The following NRG3 variants were observed in gnomAD, a reference collection of about 807,000 sequenced individuals.
NRG3 encodes the protein pro-neuregulin-3, membrane-bound isoform.
A neutral mutation model predicts 66.9 loss-of-function variants in NRG3; 31 were observed. That is an observed-to-expected ratio of 0.46 (90% CI 0.35 to 0.63). The LOEUF (loss-of-function observed/expected upper bound fraction) is 0.63, where lower values mean the gene tolerates loss of function less well. Among genes scored for constraint, NRG3 ranks in the 20% least tolerant of loss-of-function variants. The probability of loss-of-function intolerance (pLI) is 0.00; values close to 1 mark genes in which losing one functional copy is unlikely to be tolerated. For synonymous variants in NRG3, 393 were observed against 359.4 expected (o/e 1.09, Z -1.06); for missense variants, 910 against 878.9 (o/e 1.04, Z -0.45).
chr10:82,377,107 A>G (rs2085291161), intron 2 of NRG3, among the ~76,000 whole-genome samples: 1 of 152,162 alleles, frequency 6.6e-6, no homozygotes, highest in African/African-American at 2.4e-5. Context: ...TATTTTTTAT[A>G]TTCTTTATTT....
intron 1 of NRG3, among the ~76,000 whole-genome samples, chr10:82,313,777 A>G (rs927562650): frequency 6.6e-6 from 1 of 152,158 alleles, no homozygotes; most frequent in Admixed American, 6.5e-5. Flanking sequence ...CTCCACATCC[A>G]TTTTATCCTC....
chr10:82,792,293 T>C (rs758418889), intron 3 of NRG3, among the ~76,000 whole-genome samples: 12 of 152,208 alleles, frequency 7.9e-5, no homozygotes, highest in African/African-American at 1.4e-4. Context: ...CTCTTCTTCA[T>C]TGATAGGTCT....
chr10:82,758,733 A>G (rs1427141612), intron 3 of NRG3, among the ~76,000 whole-genome samples: 2 of 152,056 alleles, frequency 1.3e-5, no homozygotes, highest in African/African-American at 4.8e-5. Flanking sequence ...TCAGTGGTCA[A>G]ATGAATGGAA....
intron 1 of NRG3, among the ~76,000 whole-genome samples, chr10:82,089,323 A>G (rs1564550608): frequency 1.3e-5 from 2 of 152,158 alleles, no homozygotes; most frequent in East Asian, 1.9e-4. Flanking sequence ...AAGCTTCACA[A>G]TGCAGTGGCA....
At chr10:81,948,800 T>G (rs1019633483) in intron 1 of NRG3, among the ~76,000 whole-genome samples, 1 of 152,182 alleles carries the variant, frequency 6.6e-6, no homozygotes, top group Non-Finnish European at 1.5e-5. Context: ...AAATTGCAAA[T>G]ATGAGAATCC....
chr10:82,403,301 T>C (rs956877593), intron 2 of NRG3, among the ~76,000 whole-genome samples: 1 of 152,174 alleles, frequency 6.6e-6, no homozygotes, highest in Non-Finnish European at 1.5e-5. Flanking sequence ...CAGATTGTCA[T>C]CCGCATCTTG....
chr10:81,934,230 A>T (rs1847653554), intron 1 of NRG3, among the ~76,000 whole-genome samples: 1 of 152,176 alleles, frequency 6.6e-6, no homozygotes, highest in South Asian at 2.1e-4. Context: ...GTGAATAGTA[A>T]GTGTATGAAA....
chr10:82,659,493 A>C (rs1265188230), intron 2 of NRG3, among the ~76,000 whole-genome samples: 1 of 152,090 alleles, frequency 6.6e-6, no homozygotes, highest in Non-Finnish European at 1.5e-5. Context: ...AATACAAAAA[A>C]TTAGCTGGGC....
intron 3 of NRG3, among the ~76,000 whole-genome samples, chr10:82,774,521 T>G (rs2059824497): frequency 6.6e-6 from 1 of 152,122 alleles, no homozygotes; most frequent in East Asian, 1.9e-4. Context: ...TTCTAGAAAT[T>G]TGTTCATTTC....
intron 2 of NRG3, among the ~76,000 whole-genome samples, chr10:82,501,370 T>A (rs1019392303): frequency 2.0e-5 from 3 of 152,162 alleles, no homozygotes; most frequent in African/African-American, 7.2e-5. Context: ...AACATAGAAG[T>A]TAGGTCACCT....
chr10:82,384,450 G>A (rs1038446067), intron 2 of NRG3, among the ~76,000 whole-genome samples: 1 of 152,004 alleles, frequency 6.6e-6, no homozygotes, highest in Non-Finnish European at 1.5e-5. Context: ...CCTCTGACAG[G>A]CCCAAGTGTG....
At chr10:82,331,987 C>G (rs1280326188) in intron 1 of NRG3, among the ~76,000 whole-genome samples, 3 of 152,178 alleles carry the variant, frequency 2.0e-5, no homozygotes, top group Non-Finnish European at 4.4e-5. Context: ...GACTACCTAA[C>G]AGAGAGAAGT....
chr10:82,668,070 CCTTA>C (rs1481891566), intron 2 of NRG3, among the ~76,000 whole-genome samples: 3 of 152,160 alleles, frequency 2.0e-5, no homozygotes, highest in Non-Finnish European at 2.9e-5. Flanking sequence ...TCCCTCCCTC[CCTTA>C]TTTTCTTTCT....
At position 82,985,464 on chromosome 10, in the gene NRG3, C is replaced by T. The variant is rs376987579; in HGVS notation, c.1950C>T (p.Tyr650=). 9.9e-5 allele frequency: 160 copies of T among 1,613,926 alleles called. No individual in the cohort carries two copies. Among genetic ancestry groups the T allele is most frequent in the Non-Finnish European group, 1.2e-4 (138 of 1,180,000 alleles). The change falls in exon 9 of 9, where the codon TAC becomes TAT. Residue 650 remains tyrosine, a synonymous_variant. Transcript: ENST00000372141. ...CTGATGCCAGACGGTCAGAAGACTACGAACTGGCCAGCGTAGAAACCGAGG... is the reference window on the plus strand; with the variant it reads ...CTGATGCCAGACGGTCAGAAGACTATGAACTGGCCAGCGTAGAAACCGAGG... The part of the protein sequence containing the change: ...ILTDARRSED[Y]ELASVETEDS...
At chr10:82,377,993 A>G (rs1345042622) in intron 2 of NRG3, among the ~76,000 whole-genome samples, 1 of 152,234 alleles carries the variant, frequency 6.6e-6, no homozygotes, top group Non-Finnish European at 1.5e-5. Flanking sequence ...GGAAGTGAGA[A>G]CAAATCTAAT....
Position 82,370,467 on chromosome 10 carries a change from A to G in NRG3, c.953+11599A>G, listed in dbSNP as rs1212667475. Among the ~76,000 whole-genome samples the G allele has an allele frequency of 1.2e-4, 16 of 137,942 alleles. 3 individuals carry two copies. In the East Asian group the frequency reaches 3.2e-3, roughly 28 times the overall value. 90.5% of individuals were successfully genotyped at this position (137,942 alleles called of 152,430 possible). ...CTGGAGCTTGTGGTTCAGGGTTTATATGGGGGCAGGATAGGGGAATGGAAA... is the reference window on the plus strand; with the variant it reads ...CTGGAGCTTGTGGTTCAGGGTTTATGTGGGGGCAGGATAGGGGAATGGAAA... On this transcript the variant is annotated intron_variant, in intron 2 of 8. Coordinates refer to ENST00000372141, the MANE Select transcript of NRG3 (RefSeq NM_001010848.4).
intron 2 of NRG3, among the ~76,000 whole-genome samples, chr10:82,380,500 G>A (rs1313701520): frequency 2.0e-5 from 3 of 152,082 alleles, no homozygotes; most frequent in African/African-American, 4.8e-5. Flanking sequence ...CAGCAATCCA[G>A]TAGAAATACC....
intron 1 of NRG3, among the ~76,000 whole-genome samples, chr10:81,935,478 T>C (rs1847771532): frequency 6.6e-6 from 1 of 152,150 alleles, no homozygotes; most frequent in Non-Finnish European, 1.5e-5. Context: ...TGAGAAACTT[T>C]AGAGTCAGGT....
chr10:82,944,105 T>C (rs1592044740), intron 4 of NRG3, among the ~76,000 whole-genome samples: 1 of 152,204 alleles, frequency 6.6e-6, no homozygotes, highest in African/African-American at 2.4e-5. Flanking sequence ...TAATATACCA[T>C]CATTGTAGCT....
Sources: gnomAD v4.1 joint callset for allele counts (sites outside exome capture counted in the v4.1 genomes callset) on GRCh38, gnomAD v4.1.1 for gene constraint, MANE v1.5 for transcripts, NCBI Gene and HGNC (gene_info 2026-07-23, HGNC 2026-07-21) for gene names.